The following SLC5A8 variants were observed in gnomAD, a reference collection of about 807,000 sequenced individuals.
The protein encoded by SLC5A8 is sodium-coupled monocarboxylate transporter 1.
SLC5A8 carries 55 observed loss-of-function variants against 71.9 expected under a neutral mutation model. The ratio of observed to expected loss-of-function variants is 0.77; its 90% confidence interval spans 0.62 to 0.96. The LOEUF is 0.96. Ranked by LOEUF, SLC5A8 falls within the 40% of genes least tolerant of loss-of-function variation. The pLI, the probability that SLC5A8 is intolerant of heterozygous loss-of-function variation, is 0.00. For missense variants in SLC5A8, 701 were observed against 745.3 expected, an observed-to-expected ratio of 0.94 and a Z score of 0.69; for synonymous variants, 307 against 276.1, an observed-to-expected ratio of 1.11 and a Z score of -1.11.
chr12:101,184,372 T>C (rs1868517202), intron 7 of SLC5A8, 150 bp from the exon 8 acceptor site: 1 of 658,796 alleles, frequency 1.5e-6, no homozygotes, highest in African/African-American at 1.8e-5. Flanking sequence ...TTAAACTGTT[T>C]AACTACTAAC....
At chr12:101,184,667 C>T (rs942384282) in intron 7 of SLC5A8, among the ~76,000 whole-genome samples, 4 of 152,270 alleles carry the variant, frequency 2.6e-5, no homozygotes, top group African/African-American at 2.4e-5. Flanking sequence ...CTTAAGTAAG[C>T]AGCATCCACT....
chr12:101,179,439 C>A (rs907685466), intron 10 of SLC5A8, among the ~76,000 whole-genome samples: 1 of 152,176 alleles, frequency 6.6e-6, no homozygotes, highest in African/African-American at 2.4e-5. Flanking sequence ...TGTGATACAT[C>A]CCTACCAGAG....
At chr12:101,203,355 T>C (rs1007870718) in intron 2 of SLC5A8, among the ~76,000 whole-genome samples, 60 of 147,024 alleles carry the variant, frequency 4.1e-4, no homozygotes, top group Non-Finnish European at 8.0e-4. Flanking sequence ...CTTTTTTTCC[T>C]TTTTTTTTTT....
At chr12:101,205,265 C>A (rs1260692166) in intron 1 of SLC5A8, among the ~76,000 whole-genome samples, 2 of 152,178 alleles carry the variant, frequency 1.3e-5, no homozygotes. Flanking sequence ...TCAGCCTGTC[C>A]CTCTGTTCTA....
intron 2 of SLC5A8, among the ~76,000 whole-genome samples, chr12:101,204,181 T>C (rs1399951426): frequency 1.3e-5 from 2 of 152,244 alleles, no homozygotes; most frequent in East Asian, 1.9e-4. Context: ...ATCTTTGTCA[T>C]GTAGTAATGC....
intron 8 of SLC5A8, among the ~76,000 whole-genome samples, chr12:101,183,561 CA>C (rs1285387108): frequency 6.6e-6 from 1 of 152,080 alleles, no homozygotes; most frequent in Non-Finnish European, 1.5e-5. Context: ...TTTCTTTGTG[CA>C]TAGAAAGGAC....
Position 101,209,926 on chromosome 12 carries a change from A to G in SLC5A8, c.-78T>C. ...AGCCGGAGCCCGGCGCGCACTTCTTATCCCGGATCCCTGGCGCGCAGGCGT... is the reference window on the plus strand; with the variant it reads ...AGCCGGAGCCCGGCGCGCACTTCTTGTCCCGGATCCCTGGCGCGCAGGCGT... On this transcript the variant is annotated 5_prime_UTR_variant, in exon 1 of 15. Coordinates refer to ENST00000536262, the MANE Select transcript of SLC5A8 (RefSeq NM_145913.5). 7.7e-7 allele frequency: 1 copy of G among 1,296,724 alleles called. No individual in the cohort carries two copies. Among genetic ancestry groups the G allele is most frequent in the South Asian group, 1.6e-5 (1 of 63,430 alleles). The allele number at this position is 1,296,724 out of a possible 1,614,324, so 80.3% of individuals were successfully genotyped here.
Position 101,155,805 on chromosome 12 carries a change from T to A in SLC5A8, c.*1474A>T. On this transcript the variant is annotated 3_prime_UTR_variant, in exon 15 of 15. Transcript: ENST00000536262. ...TGAGCCATCATGCCCAGGCTTTTTT[T>A]TTTTTTTAAATTTCTTAACATTGTC... The A allele has an allele frequency of 6.9e-6, 1 of 143,956 alleles. No homozygotes were observed. Among genetic ancestry groups the A allele is most frequent in the East Asian group, 2.5e-4 (1 of 3,946 alleles). The allele number at this position is 143,956 out of a possible 1,614,324, so 8.9% of individuals were successfully genotyped here. A position where few individuals can be genotyped will look rare whatever the true frequency, so the allele number is the denominator to read the frequency against.
intron 2 of SLC5A8, 116 bp downstream of exon 2, chr12:101,204,384 A>T: frequency 2.3e-6 from 2 of 883,150 alleles, no homozygotes; most frequent in Admixed American, 2.7e-5. Flanking sequence ...TTGTTCCCTC[A>T]TTTTTTCAAC....
intron 13 of SLC5A8, among the ~76,000 whole-genome samples, chr12:101,161,153 TCAAA>T (rs1229111676): frequency 4.6e-5 from 7 of 152,022 alleles, no homozygotes; most frequent in South Asian, 2.1e-4. Context: ...CAATTTCTAC[TCAAA>T]CAATCAATCA....
At chr12:101,209,249 T>A (rs1593388799) in intron 1 of SLC5A8, among the ~76,000 whole-genome samples, 1 of 152,106 alleles carries the variant, frequency 6.6e-6, no homozygotes, top group African/African-American at 2.4e-5. Flanking sequence ...AAGCCTCTTT[T>A]TTTCACTAAG....
chr12:101,192,305 C>G (rs1868948471), intron 5 of SLC5A8, among the ~76,000 whole-genome samples: 1 of 152,182 alleles, frequency 6.6e-6, no homozygotes, highest in Admixed American at 6.5e-5. Context: ...AAATTTATCC[C>G]TGTAAATTAA....
intron 3 of SLC5A8, among the ~76,000 whole-genome samples, chr12:101,199,958 A>AGAGAATGG (rs1364546773): frequency 6.9e-6 from 1 of 145,842 alleles, no homozygotes; most frequent in Admixed American, 7.0e-5. Flanking sequence ...GTCTATAACA[A>AGAGAATGG]GAGAATGGAT....
intron 10 of SLC5A8, among the ~76,000 whole-genome samples, chr12:101,173,767 C>T (rs1391291956): frequency 6.6e-6 from 1 of 152,246 alleles, no homozygotes; most frequent in Non-Finnish European, 1.5e-5. Flanking sequence ...GGCAACAGCA[C>T]ATAACCCTTC....
chr12:101,193,854 C>T, intron 4 of SLC5A8, 75 bp from the exon 5 acceptor site: 1 of 1,431,314 alleles, frequency 7.0e-7, no homozygotes, highest in Non-Finnish European at 9.5e-7. Context: ...ATACACTATA[C>T]TGGAGAAAAA....
At chr12:101,159,673 T>C (rs2051706704) in intron 13 of SLC5A8, among the ~76,000 whole-genome samples, 1 of 152,180 alleles carries the variant, frequency 6.6e-6, no homozygotes, top group Non-Finnish European at 1.5e-5. Context: ...TGAGGTAGAG[T>C]GTTACTTCTT....
chr12:101,210,174 A>ATATTTTTTAAT lies in SLC5A8; in HGVS notation c.-327_-326insATTAAAAAATA. 1 of 334,168 alleles carries ATATTTTTTAAT rather than the reference A, an allele frequency of 3.0e-6. No individual in the cohort carries two copies. Among genetic ancestry groups the ATATTTTTTAAT allele is most frequent in the Non-Finnish European group, 5.4e-6 (1 of 186,056 alleles). 20.7% of individuals were successfully genotyped at this position (334,168 alleles called of 1,614,324 possible). ...GGCGCCGGGGACACCTGAGCAGATGAGAACTGGAGCCTCCAGCTGCTTCCA... is the reference window on the plus strand; with the variant it reads ...GGCGCCGGGGACACCTGAGCAGATGATATTTTTTAATGAACTGGAGCCTCCAGCTGCTTCCA... On this transcript the variant is annotated 5_prime_UTR_variant, in exon 1 of 15. Transcript: ENST00000536262.
chr12:101,161,160 A>G (rs1266340722), intron 13 of SLC5A8, among the ~76,000 whole-genome samples: 1 of 151,846 alleles, frequency 6.6e-6, no homozygotes, highest in Non-Finnish European at 1.5e-5. Context: ...TACTCAAACA[A>G]TCAATCAAGC....
intron 2 of SLC5A8, among the ~76,000 whole-genome samples, chr12:101,202,660 A>G (rs541903071): frequency 6.6e-6 from 1 of 152,282 alleles, no homozygotes; most frequent in East Asian, 1.9e-4. Flanking sequence ...GCCTATTTCT[A>G]AACTTTTACT....
Sources: allele counts gnomAD v4.1 joint callset (sites outside exome capture counted in the v4.1 genomes callset), GRCh38; gene constraint gnomAD v4.1.1; transcripts MANE v1.5; gene names NCBI Gene and HGNC (gene_info 2026-07-23, HGNC 2026-07-21).